The following RIN3 variants were observed in gnomAD, a reference collection of about 807,000 sequenced individuals.
RIN3 encodes the protein RAB5 interacting protein 3.
Under a neutral mutation model 76.3 loss-of-function variants are expected in RIN3, and 54 were observed. The observed-to-expected ratio is 0.71, with a 90% CI of 0.57 to 0.89. The LOEUF (loss-of-function observed/expected upper bound fraction) is 0.89, where lower values mean the gene tolerates loss of function less well. Among genes scored for constraint, RIN3 ranks in the 40% least tolerant of loss-of-function variants. The pLI is 0.00. For missense variants in RIN3, 1,256 were observed against 1,322.1 expected (o/e 0.95, Z 0.78); for synonymous variants, 576 against 564.0 (o/e 1.02, Z -0.30).
At chr14:92,665,945 C>T (rs951684334) in intron 7 of RIN3, among the ~76,000 whole-genome samples, 5 of 151,876 alleles carry the variant, frequency 3.3e-5, no homozygotes, top group Non-Finnish European at 5.9e-5. Context: ...CCTTGCTACC[C>T]GAGGTGTGGT....
chr14:92,561,055 A>ATATC (rs71123360), intron 2 of RIN3, among the ~76,000 whole-genome samples: 3 of 79,164 alleles, frequency 3.8e-5, no homozygotes, highest in African/African-American at 9.0e-5. Context: ...ATATATATAT[A>ATATC]TCTGCCATAT....
At chr14:92,612,018 G>A (rs1380728583) in intron 3 of RIN3, among the ~76,000 whole-genome samples, 2 of 152,068 alleles carry the variant, frequency 1.3e-5, no homozygotes, top group East Asian at 1.9e-4. Context: ...AGCAAATCTC[G>A]TGAGAACTCT....
intron 1 of RIN3, among the ~76,000 whole-genome samples, chr14:92,544,428 G>C (rs1292018967): frequency 8.5e-5 from 8 of 94,312 alleles, no homozygotes; most frequent in East Asian, 6.3e-4. Flanking sequence ...GGGGGGGGGG[G>C]GGTGGGGGCG....
At chr14:92,534,460 A>G (rs1038617889) in intron 1 of RIN3, among the ~76,000 whole-genome samples, 1 of 151,888 alleles carries the variant, frequency 6.6e-6, no homozygotes, top group Admixed American at 6.6e-5. Flanking sequence ...GGCACCTGTA[A>G]TCCCGGCTAC....
At chr14:92,665,343 G>A (rs185798859) in intron 7 of RIN3, among the ~76,000 whole-genome samples, 97 of 148,990 alleles carry the variant, frequency 6.5e-4, no homozygotes, top group African/African-American at 2.2e-3. Context: ...TATGCGTTGC[G>A]TGACTGTATT....
intron 1 of RIN3, among the ~76,000 whole-genome samples, chr14:92,526,418 C>G (rs1377262509): frequency 6.6e-6 from 1 of 151,488 alleles, no homozygotes; most frequent in Non-Finnish European, 1.5e-5. Flanking sequence ...GAGATCACAC[C>G]ACTGCACTCC....
At chr14:92,569,485 G>A (rs1009202417) in intron 2 of RIN3, among the ~76,000 whole-genome samples, 1 of 152,064 alleles carries the variant, frequency 6.6e-6, no homozygotes, top group South Asian at 2.1e-4. Flanking sequence ...GGGTCCCAGG[G>A]CTAGTAACTG....
intron 1 of RIN3, among the ~76,000 whole-genome samples, chr14:92,530,457 A>G (rs1319550281): frequency 6.6e-6 from 1 of 152,232 alleles, no homozygotes; most frequent in Non-Finnish European, 1.5e-5. Flanking sequence ...TGACACTACT[A>G]ATTGCAGCGA....
intron 6 of RIN3, among the ~76,000 whole-genome samples, 180 bp downstream of exon 6, chr14:92,653,255 T>TC (rs1338383385): frequency 2.0e-5 from 3 of 151,736 alleles, no homozygotes; most frequent in East Asian, 1.9e-4. Flanking sequence ...GGTGCCCGGC[T>TC]CCCCCCCTTC....
At chr14:92,644,325 C>G (rs370481398) in intron 5 of RIN3, 2 of 152,304 alleles carry the variant, frequency 1.3e-5, no homozygotes, top group East Asian at 3.9e-4. Context: ...TTAGTCATCC[C>G]TAGGACTAAC....
intron 1 of RIN3, among the ~76,000 whole-genome samples, chr14:92,554,686 C>T (rs34055052): frequency 0.085 from 12,895 of 152,184 alleles, 945 homozygotes; most frequent in East Asian, 0.41. Flanking sequence ...TTCGGGAGGC[C>T]GAGGTGGGTG....
intron 1 of RIN3, among the ~76,000 whole-genome samples, chr14:92,525,689 G>A (rs1896710397): frequency 6.6e-6 from 1 of 152,176 alleles, no homozygotes; most frequent in Non-Finnish European, 1.5e-5. Flanking sequence ...CACAGTGTTG[G>A]GGAGGTGCCA....
At chr14:92,637,781 A>G (rs553702453) in intron 4 of RIN3, among the ~76,000 whole-genome samples, 41 of 152,312 alleles carry the variant, frequency 2.7e-4, no homozygotes, top group East Asian at 7.7e-4. Context: ...CTTAAAAAAA[A>G]TGTAGTAAGT....
At chr14:92,674,133 C>G (rs1375631300) in intron 7 of RIN3, among the ~76,000 whole-genome samples, 1 of 152,180 alleles carries the variant, frequency 6.6e-6, no homozygotes, top group Admixed American at 6.5e-5. Context: ...CAAACATCCT[C>G]GGGCACCTCG....
At chr14:92,577,688 G>A (rs1239268759) in intron 3 of RIN3, among the ~76,000 whole-genome samples, 20 of 152,152 alleles carry the variant, frequency 1.3e-4, no homozygotes, top group East Asian at 3.9e-4. Flanking sequence ...ACTCACCCTC[G>A]TCGCAGCTGG....
intron 2 of RIN3, chr14:92,576,247 C>G: frequency 7.8e-7 from 1 of 1,286,118 alleles, no homozygotes; most frequent in Non-Finnish European, 1.0e-6. Context: ...TTTAAAACAG[C>G]AGAGTTTGTG....
At chr14:92,601,509 G>A (rs1042158755) in intron 3 of RIN3, among the ~76,000 whole-genome samples, 1 of 152,186 alleles carries the variant, frequency 6.6e-6, no homozygotes, top group Non-Finnish European at 1.5e-5. Context: ...GTTGAAGGTG[G>A]TATTTTCTGG....
intron 1 of RIN3, chr14:92,515,452 C>T (rs1470509905): frequency 2.0e-6 from 1 of 507,620 alleles, no homozygotes; most frequent in Non-Finnish European, 3.5e-6. Flanking sequence ...ATTACTGGGT[C>T]GGTTATTTAA....
intron 3 of RIN3, among the ~76,000 whole-genome samples, chr14:92,582,596 G>A (rs1314333776): frequency 6.6e-6 from 1 of 152,082 alleles, no homozygotes; most frequent in Non-Finnish European, 1.5e-5. Context: ...GGGACTACAG[G>A]CATGCGCCAT....
Sources: allele counts gnomAD v4.1 joint callset (sites outside exome capture counted in the v4.1 genomes callset), GRCh38; gene constraint gnomAD v4.1.1; transcripts MANE v1.5; gene names NCBI Gene and HGNC (gene_info 2026-07-23, HGNC 2026-07-21).